Variants in DOCK4 observed in about 807,000 individuals in gnomAD.
DOCK4 encodes the protein dedicator of cytokinesis 4.
Under a neutral mutation model 268.1 loss-of-function variants are expected in DOCK4, and 97 were observed. The observed-to-expected ratio is 0.36, with a 90% confidence interval of 0.31 to 0.43. The LOEUF is 0.43. Ranked by LOEUF, DOCK4 falls within the 20% of genes least tolerant of loss-of-function variation. The pLI is 1.00. For missense variants in DOCK4, 2,145 were observed against 2,455.7 expected (o/e 0.87, Z 2.67); for synonymous variants, 954 against 887.2 (o/e 1.08, Z -1.34).
At chr7:111,983,862 G>GCGCGCGCGCGCA in intron 7 of DOCK4, among the ~76,000 whole-genome samples, 4 of 138,562 alleles carry the variant, frequency 2.9e-5, no homozygotes, top group African/African-American at 8.5e-5. Context: ...GCGCGCGCGC[G>GCGCGCGCGCGCA]CACACACACA....
chr7:111,741,012 C>G, intron 47 of DOCK4, 82 bp downstream of exon 47: 1 of 1,531,008 alleles, frequency 6.5e-7, no homozygotes. Context: ...GTCTGTTCAT[C>G]AGCACAGCAG....
At chr7:111,837,303 T>C (rs559330497) in intron 25 of DOCK4, among the ~76,000 whole-genome samples, 1 of 152,068 alleles carries the variant, frequency 6.6e-6, no homozygotes, top group South Asian at 2.1e-4. Context: ...AAATATAAAA[T>C]ATAAAAATAT....
intron 23 of DOCK4, among the ~76,000 whole-genome samples, chr7:111,861,904 G>A (rs1805566933): frequency 6.6e-6 from 1 of 152,114 alleles, no homozygotes; most frequent in East Asian, 1.9e-4. Flanking sequence ...TAAAGGAATA[G>A]AAAATAGGAA....
At chr7:111,790,634 A>G (rs899592593) in intron 30 of DOCK4, 29 bp from the exon 31 acceptor site, 1 of 1,560,262 alleles carries the variant, frequency 6.4e-7, no homozygotes, top group Non-Finnish European at 8.6e-7. Flanking sequence ...TTGAGTTTCA[A>G]TATATTCAAT....
At chr7:111,907,751 T>C (rs1223478762) in intron 13 of DOCK4, among the ~76,000 whole-genome samples, 1 of 152,152 alleles carries the variant, frequency 6.6e-6, no homozygotes, top group African/African-American at 2.4e-5. Context: ...TATATTTTGA[T>C]ACAGAGTCTT....
chr7:112,104,148 T>C (rs1810933979), intron 1 of DOCK4, among the ~76,000 whole-genome samples: 1 of 152,164 alleles, frequency 6.6e-6, no homozygotes, highest in African/African-American at 2.4e-5. Flanking sequence ...AGATCTCTTT[T>C]TGCAGAGAAA....
At chr7:111,978,749 G>C (rs762285698) in intron 7 of DOCK4, among the ~76,000 whole-genome samples, 1 of 152,150 alleles carries the variant, frequency 6.6e-6, no homozygotes, top group Non-Finnish European at 1.5e-5. Flanking sequence ...AAATGCCATG[G>C]CAATGTCAAA....
chr7:112,014,390 C>G (rs186722955), intron 1 of DOCK4, among the ~76,000 whole-genome samples: 1 of 152,242 alleles, frequency 6.6e-6, no homozygotes, highest in East Asian at 1.9e-4. Context: ...GTATTCCAAC[C>G]AGCAGAGCAC....
At chr7:111,902,890 C>T (rs1375415295) in intron 13 of DOCK4, among the ~76,000 whole-genome samples, 3 of 152,146 alleles carry the variant, frequency 2.0e-5, no homozygotes, top group African/African-American at 2.4e-5. Context: ...CTGCCTCAGC[C>T]TCCCGAGTAG....
chr7:111,905,930 G>C lies in DOCK4; in HGVS notation c.1193-4129C>G, dbSNP rs1791532337. Among the ~76,000 whole-genome samples, 2 of 152,156 alleles carry C rather than the reference G, an allele frequency of 1.3e-5. 1 individual carries two copies. The highest frequency in any genetic ancestry group is 1.3e-4 in the Admixed American group (2 of 15,272). Reference sequence around the variant, plus strand: ...GTACACTTTATTGAGTACCTACTATGTGCTGGGTACTTTGCAAAATGCTAG... The same window carrying C: ...GTACACTTTATTGAGTACCTACTATCTGCTGGGTACTTTGCAAAATGCTAG... On this transcript the variant is annotated intron_variant, in intron 13 of 52. Transcript: ENST00000428084.
At position 112,042,511 on chromosome 7, in the gene DOCK4, T is replaced by TGAGTA. The variant is rs376607666; in HGVS notation, c.38-38385_38-38381dup. On this transcript the variant is annotated intron_variant, in intron 1 of 52. Transcript: ENST00000428084. ...GAGAGGCTAGAAGACTAACACATGC[T>TGAGTA]GAGTAGAAGTTCCATGAATGCCACC... is the stretch of plus-strand genomic sequence containing the variant. Among the ~76,000 whole-genome samples, 871 of 152,248 alleles carry TGAGTA rather than the reference T, an allele frequency of 5.7e-3. 13 individuals are homozygous for TGAGTA. The highest frequency in any genetic ancestry group is 0.02 in the African/African-American group (825 of 41,536).
intron 16 of DOCK4, among the ~76,000 whole-genome samples, chr7:111,894,024 C>T (rs1441232074): frequency 6.6e-6 from 1 of 151,984 alleles, no homozygotes; most frequent in Non-Finnish European, 1.5e-5. Flanking sequence ...GAGATAGAGA[C>T]CATCCTGGCT....
rs1283866695 is a variant in DOCK4, at chr7:111,989,078, A to G, written c.401T>C (p.Leu134Pro). 2 of 1,613,878 alleles carry G rather than the reference A, an allele frequency of 1.2e-6. No homozygotes were observed. The highest frequency in any genetic ancestry group is 1.7e-6 in the Non-Finnish European group (2 of 1,179,890). ...DLRRQVLVGHLTHDRMKDVKR... is the reference protein window; with the variant it reads ...DLRRQVLVGHPTHDRMKDVKR... ...CACGTCCTTCATCCGGTCGTGGGTG[A>G]GGTGGCCCACCAGCACCTGCCGCCT... Residue 134 changes from leucine (L) to proline (P), a missense_variant, in exon 6 of 53, where the codon CTC becomes CCC. Around this residue, in one of 2 missense-constraint regions of DOCK4, gnomAD observed 1,598 missense variants for 1,986.7 expected, o/e 0.80. Transcript: ENST00000428084.
chr7:112,099,091 A>G (rs1810427322), intron 1 of DOCK4, among the ~76,000 whole-genome samples: 1 of 151,798 alleles, frequency 6.6e-6, no homozygotes, highest in African/African-American at 2.4e-5. Context: ...GGAGTTTGAG[A>G]GCAGCCTGGG....
At chr7:111,925,497 AG>A (rs1793531904) in intron 12 of DOCK4, among the ~76,000 whole-genome samples, 1 of 152,212 alleles carries the variant, frequency 6.6e-6, no homozygotes, top group Non-Finnish European at 1.5e-5. Context: ...AATATTAGGA[AG>A]AGACTGGTGT....
chr7:111,726,772 C>CTT lies in DOCK4; in HGVS notation c.*1500_*1501dup, dbSNP rs1491350369. On this transcript the variant is annotated 3_prime_UTR_variant, in exon 53 of 53. Coordinates refer to ENST00000428084, the MANE Select transcript of DOCK4 (RefSeq NM_001363540.2). ...CAACAACTGTTTGCGTTTATTTTTA[C>CTT]TTTTTTTTACACATAATGGTATCTC... 1.3e-5 allele frequency: 2 copies of CTT among 152,356 alleles called. No homozygotes were observed. The highest frequency in any genetic ancestry group is 4.8e-5 in the African/African-American group (2 of 41,372). 9.4% of individuals were successfully genotyped at this position (152,356 alleles called of 1,614,324 possible). A position where few individuals can be genotyped will look rare whatever the true frequency, so the allele number is the denominator to read the frequency against.
intron 1 of DOCK4, among the ~76,000 whole-genome samples, chr7:112,183,318 A>G (rs1819217483): frequency 6.6e-6 from 1 of 152,202 alleles, no homozygotes; most frequent in Admixed American, 6.5e-5. Flanking sequence ...ACTATCAACA[A>G]AAGGCATTAT....
At chr7:111,807,152 C>T (rs1031302798) in intron 30 of DOCK4, among the ~76,000 whole-genome samples, 9 of 152,222 alleles carry the variant, frequency 5.9e-5, no homozygotes, top group South Asian at 2.1e-4. Flanking sequence ...TTCTTGTAAC[C>T]GAACAGAATC....
At chr7:111,758,367 A>T (rs1797175083) in intron 41 of DOCK4, among the ~76,000 whole-genome samples, 1 of 152,232 alleles carries the variant, frequency 6.6e-6, no homozygotes, top group Non-Finnish European at 1.5e-5. Context: ...GTTACAAAAA[A>T]GCTGATTTTA....
Sources: allele counts gnomAD v4.1 joint callset (sites outside exome capture counted in the v4.1 genomes callset), GRCh38; gene constraint gnomAD v4.1.1; regional missense constraint gnomAD v4.1.1; transcripts MANE v1.5; gene names NCBI Gene and HGNC (gene_info 2026-07-23, HGNC 2026-07-21).